The following RNF150 variants were observed in gnomAD, a reference collection of about 807,000 sequenced individuals.
The protein encoded by RNF150 is ring finger protein 150.
In RNF150, 24 loss-of-function variants were observed where a neutral mutation model predicts 39.3. The ratio of observed to expected loss-of-function variants is 0.61; its 90% CI spans 0.44 to 0.86. The LOEUF is 0.86. Among genes scored for constraint, RNF150 ranks in the 40% least tolerant of loss-of-function variants. The pLI is 0.00. For synonymous variants in RNF150, 255 were observed against 227.3 expected (o/e 1.12, Z -1.10); for missense variants, 502 against 587.8 (o/e 0.85, Z 1.51).
chr4:140,948,373 T>C (rs1732406049), intron 3 of RNF150, among the ~76,000 whole-genome samples: 1 of 152,152 alleles, frequency 6.6e-6, no homozygotes, highest in African/African-American at 2.4e-5. Flanking sequence ...AATACCTGCT[T>C]ATATATGGAG....
At chr4:141,187,547 C>T (rs1190773204) in intron 1 of RNF150, among the ~76,000 whole-genome samples, 3 of 152,110 alleles carry the variant, frequency 2.0e-5, no homozygotes. Context: ...GTATTGGGTG[C>T]ATATATATTT....
chr4:141,053,893 T>C (rs1736871656), intron 1 of RNF150, among the ~76,000 whole-genome samples: 1 of 152,188 alleles, frequency 6.6e-6, no homozygotes, highest in Non-Finnish European at 1.5e-5. Context: ...CCAGGGAGTA[T>C]GACAACTCTG....
At chr4:141,016,500 T>G (rs916199606) in intron 1 of RNF150, among the ~76,000 whole-genome samples, 1 of 152,242 alleles carries the variant, frequency 6.6e-6, no homozygotes, top group Non-Finnish European at 1.5e-5. Flanking sequence ...GCACACTGCC[T>G]ATATGGAGTA....
chr4:141,002,357 T>G (rs1289555934), intron 1 of RNF150, among the ~76,000 whole-genome samples: 1 of 152,162 alleles, frequency 6.6e-6, no homozygotes, highest in Non-Finnish European at 1.5e-5. Context: ...CAACAGCCTC[T>G]CATTCTAAGA....
intron 2 of RNF150, among the ~76,000 whole-genome samples, chr4:140,962,507 T>G (rs1402687157): frequency 6.6e-6 from 1 of 151,504 alleles, no homozygotes; most frequent in African/African-American, 2.4e-5. Flanking sequence ...TATATATATA[T>G]AAAAGTTTCT....
In RNF150 at chr4:140,908,460, T is replaced by TACCATCA. The variant is rs1409057547; in HGVS notation, c.1198+2683_1198+2684insTGATGGT. 2.0e-5 allele frequency among the ~76,000 whole-genome samples: 3 copies of TACCATCA among 152,346 alleles called. No individual in the cohort carries two copies. In the East Asian group the frequency reaches 5.8e-4, roughly 29 times the overall value. ...AGAAACTGATAGCCATATTCATATA[T>TACCATCA]GCCATCAGTCTTCTGACTGTAGGTA... On this transcript the variant is annotated intron_variant, in intron 6 of 6. Transcript: ENST00000515673.
At chr4:140,924,748 A>G (rs1369929406) in intron 5 of RNF150, among the ~76,000 whole-genome samples, 1 of 152,190 alleles carries the variant, frequency 6.6e-6, no homozygotes, top group East Asian at 1.9e-4. Context: ...TGCATTATGC[A>G]TTTATAACTG....
intron 1 of RNF150, among the ~76,000 whole-genome samples, chr4:141,030,689 A>T (rs921733183): frequency 3.9e-5 from 6 of 152,220 alleles, no homozygotes; most frequent in African/African-American, 1.4e-4. Context: ...TCTTCAGATT[A>T]TACTAAATAA....
At chr4:140,872,983 G>T (rs558793211) in intron 6 of RNF150, among the ~76,000 whole-genome samples, 1 of 152,222 alleles carries the variant, frequency 6.6e-6, no homozygotes, top group South Asian at 2.1e-4. Flanking sequence ...GTTTTAATAG[G>T]AAGTGATTGT....
intron 1 of RNF150, among the ~76,000 whole-genome samples, chr4:141,148,309 A>G (rs1727236176): frequency 6.6e-6 from 1 of 152,214 alleles, no homozygotes; most frequent in African/African-American, 2.4e-5. Context: ...AATATAAACT[A>G]TGCTTCCCTT....
At chr4:141,206,064 G>T (rs1049271480) in intron 1 of RNF150, among the ~76,000 whole-genome samples, 2 of 152,080 alleles carry the variant, frequency 1.3e-5, no homozygotes, top group African/African-American at 4.8e-5. Flanking sequence ...GGTCTGCTTT[G>T]CTGTCGTTGC....
At chr4:141,036,996 C>A (rs1736172543) in intron 1 of RNF150, among the ~76,000 whole-genome samples, 1 of 152,186 alleles carries the variant, frequency 6.6e-6, no homozygotes, top group African/African-American at 2.4e-5. Flanking sequence ...TCCAGGCTTT[C>A]ACCCTCTTAC....
chr4:140,912,554 C>T (rs1348332053), intron 5 of RNF150, among the ~76,000 whole-genome samples: 2 of 152,156 alleles, frequency 1.3e-5, no homozygotes, highest in African/African-American at 4.8e-5. Context: ...TCACGGACTC[C>T]TAGGGAACAC....
intron 1 of RNF150, among the ~76,000 whole-genome samples, chr4:141,117,316 A>C (rs1739581511): frequency 6.6e-6 from 1 of 152,150 alleles, no homozygotes; most frequent in South Asian, 2.1e-4. Flanking sequence ...GCAAATTATC[A>C]ATTTTTGTGG....
At chr4:140,927,050 C>G (rs769323705) in intron 4 of RNF150, among the ~76,000 whole-genome samples, 2 of 152,154 alleles carry the variant, frequency 1.3e-5, no homozygotes, top group Non-Finnish European at 2.9e-5. Flanking sequence ...TCCTTTTGTT[C>G]TAATAGTTCC....
intron 5 of RNF150, among the ~76,000 whole-genome samples, chr4:140,915,741 C>G (rs1018933124): frequency 6.6e-6 from 1 of 152,226 alleles, no homozygotes; most frequent in African/African-American, 2.4e-5. Context: ...AACGGGCAGA[C>G]TGCCTCCTCA....
chr4:141,212,737 A>G (rs1440993353), intron 1 of RNF150: 4 of 152,518 alleles, frequency 2.6e-5, no homozygotes, highest in African/African-American at 2.4e-5. Flanking sequence ...TAACACTGCT[A>G]TATAGAACTA....
chr4:141,114,797 G>A (rs1033331434), intron 1 of RNF150, among the ~76,000 whole-genome samples: 2 of 152,102 alleles, frequency 1.3e-5, no homozygotes, highest in Non-Finnish European at 1.5e-5. Context: ...TACACACCAC[G>A]ATCAAGTCAG....
intron 1 of RNF150, among the ~76,000 whole-genome samples, chr4:140,999,606 T>C (rs924368294): frequency 6.6e-6 from 1 of 152,172 alleles, no homozygotes; most frequent in Admixed American, 6.5e-5. Flanking sequence ...TAGGTGACTA[T>C]GTCAGATAAC....
Sources: allele counts gnomAD v4.1 joint callset (sites outside exome capture counted in the v4.1 genomes callset), GRCh38; gene constraint gnomAD v4.1.1; transcripts MANE v1.5; gene names NCBI Gene and HGNC (gene_info 2026-07-23, HGNC 2026-07-21).